The following CBX2 variants were observed in gnomAD, a reference collection of about 807,000 sequenced individuals.
The protein encoded by CBX2 is chromobox 2, also known as chromobox protein homolog 2.
CBX2 carries 11 observed loss-of-function variants against 21.0 expected under a neutral mutation model. That is an observed-to-expected ratio of 0.52 (90% CI 0.33 to 0.87). CBX2 has a LOEUF of 0.87. CBX2 is among the 40% of genes least tolerant of loss of function. The probability of loss-of-function intolerance (pLI) is 0.02; values close to 1 mark genes in which losing one functional copy is unlikely to be tolerated. For missense variants in CBX2, 746 were observed against 724.3 expected, an observed-to-expected ratio of 1.03 and a Z score of -0.34; for synonymous variants, 364 against 304.6, an observed-to-expected ratio of 1.19 and a Z score of -2.03.
chr17:79,779,283 G>T, intron 2 of CBX2, 79 bp from the exon 3 acceptor site: 1 of 1,392,150 alleles, frequency 7.2e-7, no homozygotes, highest in South Asian at 1.2e-5. Flanking sequence ...GAGCGGTGAG[G>T]GCGAGCCCCC....
chr17:79,782,282 CAGGAGGGGCCTTGG>C, intron 4 of CBX2: 2 of 1,539,964 alleles, frequency 1.3e-6, no homozygotes, highest in Non-Finnish European at 8.7e-7. Context: ...CAGGGGGTGC[CAGGAGGGGCCTTGG>C]AGGAGGGCAG....
chr17:79,782,199 G>T, intron 4 of CBX2: 1 of 1,609,786 alleles, frequency 6.2e-7, no homozygotes, highest in South Asian at 1.1e-5. Context: ...TAAGATTTGG[G>T]GGCTACTCCG....
intron 3 of CBX2, among the ~76,000 whole-genome samples, chr17:79,780,503 T>C (rs782012137): frequency 3.8e-4 from 58 of 152,036 alleles, no homozygotes; most frequent in Admixed American, 7.9e-4. Flanking sequence ...GGGAATGGCT[T>C]GGCCCACTTC....
intron 4 of CBX2, chr17:79,782,636 T>C: frequency 2.7e-6 from 1 of 370,900 alleles, no homozygotes; most frequent in Non-Finnish European, 3.9e-6. Flanking sequence ...TCTTGTTGGC[T>C]GGTCTACACT....
chr17:79,783,733 A>G lies in CBX2; in HGVS notation c.290A>G (p.Glu97Gly), dbSNP rs782469798. The G allele has an allele frequency of 1.9e-6, 3 of 1,551,818 alleles. No individual in the cohort carries two copies. The South Asian group carries it at 3.6e-5, about 18-fold the overall frequency. The change falls in exon 5 of 5, where the codon GAA becomes GGA. Residue 97 changes from glutamate to glycine, a missense_variant and splice_region_variant. Transcript: ENST00000310942. ...SSCSRRSKLK[E>G]PDAPSKSKSS... is the part of the protein sequence containing the mutation. Reference sequence around the variant, plus strand: ...CCAACTTCTCCTTTATCTTTCCAGGAACCCGATGCTCCCTCCAAATCCAAG... The same window carrying G: ...CCAACTTCTCCTTTATCTTTCCAGGGACCCGATGCTCCCTCCAAATCCAAG...
chr17:79,781,082 T>C (rs963532812), intron 3 of CBX2, among the ~76,000 whole-genome samples: 64 of 151,918 alleles, frequency 4.2e-4, no homozygotes, highest in African/African-American at 1.5e-3. Context: ...CTGCGAGTGG[T>C]GCGTGCATTG....
rs75619526 is a variant in CBX2 at position 79,785,208 on chromosome 17, C to T, written c.*166C>T. The stretch of plus-strand genomic sequence containing the variant: ...TGGAAGGGACTTCTCCCGCACCCCA[C>T]TCTGTCCCAGGACATAGGGCAGGGG... On this transcript the variant is annotated 3_prime_UTR_variant, in exon 5 of 5. Transcript: ENST00000310942. 2 of 657,652 alleles carry T rather than the reference C, an allele frequency of 3.0e-6. No individual in the cohort carries two copies. The highest frequency in any genetic ancestry group is 3.6e-5 in the African/African-American group (2 of 55,898). The allele number at this position is 657,652 out of a possible 1,614,324, so 40.7% of individuals were successfully genotyped here.
chr17:79,785,008 C>T lies in CBX2; in HGVS notation c.1565C>T (p.Thr522Ile), dbSNP rs868916040. Residue 522 changes from threonine to isoleucine, a missense_variant, in exon 5 of 5, where the codon ACC (threonine) becomes ATC (isoleucine). This residue lies in a region of CBX2 where 701 missense variants were observed against 650.7 expected (regional missense o/e 1.08). Transcript: ENST00000310942. ...LITVTVKESP[T>I]SVGFFNLRHY is the part of the protein sequence containing the mutation. ...ACCGTCACAGTGAAGGAGTCTCCCA[C>T]CAGCGTGGGCTTCTTCAACCTGAGG... 1 of 1,602,874 alleles carries T rather than the reference C, an allele frequency of 6.2e-7. No homozygotes were observed. Among genetic ancestry groups the T allele is most frequent in the Non-Finnish European group, 8.5e-7 (1 of 1,179,974 alleles).
chr17:79,779,446 C>CGG lies in CBX2; in HGVS notation c.182+19_182+20insGG. ...AGAAGAAGTGAGGACGCTGACAGCA[C>CGG]TGGGGAGGGTGTGGGGGAGGGACGG... On this transcript the variant is annotated intron_variant, in intron 3 of 4. Transcript: ENST00000310942. The CGG allele has an allele frequency of 1.9e-6, 3 of 1,609,402 alleles. No individual in the cohort carries two copies. The highest frequency in any genetic ancestry group is 1.1e-5 in the South Asian group (1 of 90,752).
intron 4 of CBX2, chr17:79,782,330 C>T: frequency 6.7e-7 from 1 of 1,484,840 alleles, no homozygotes; most frequent in Non-Finnish European, 8.9e-7. Context: ...TGATGATGTG[C>T]TTTGGCCTTC....
In CBX2 at chr17:79,786,497, G is replaced by T. The variant is rs1346563780; in HGVS notation, c.*1455G>T. ...CAAGACTGTGAGCTGCCTCTAGGTG[G>T]TCACGTCTGGGAGCTAGCTTGTATG... On this transcript the variant is annotated 3_prime_UTR_variant, in exon 5 of 5. Transcript: ENST00000310942. 1 of 152,688 alleles carries T rather than the reference G, an allele frequency of 6.5e-6. No individual in the cohort carries two copies. Among genetic ancestry groups the T allele is most frequent in the Non-Finnish European group, 1.5e-5 (1 of 68,090 alleles). 9.5% of individuals were successfully genotyped at this position (152,688 alleles called of 1,614,324 possible).
chr17:79,781,731 G>A lies in CBX2; in HGVS notation c.218G>A (p.Gly73Asp), dbSNP rs1555830276. The A allele has an allele frequency of 4.3e-6, 7 of 1,614,086 alleles. No individual in the cohort carries two copies. Among genetic ancestry groups the A allele is most frequent in the Non-Finnish European group, 5.9e-6 (7 of 1,180,028 alleles). The change falls in exon 4 of 5, where the codon GGC becomes GAC. Residue 73 changes from glycine (G) to aspartate (D), a missense_variant. This residue lies in a region of CBX2 where 701 missense variants were observed against 650.7 expected (regional missense o/e 1.08). Transcript: ENST00000310942. ...AAGGAGGTGCAGAACCGGAAGAGAG[G>A]CAAGAGGCCGAGAGGCCGGCCAAGG... ...HEKEVQNRKR[G>D]KRPRGRPRKL...
At chr17:79,777,882 T>C (rs1246631474), upstream of CBX2, among the ~76,000 whole-genome samples, 1 of 148,664 alleles carries the variant, frequency 6.7e-6, no homozygotes, top group Non-Finnish European at 1.5e-5. Context: ...CCGAAGTCCC[T>C]AGGCACCTCC....
In CBX2 at chr17:79,784,525, T is replaced by A. The variant is rs782308286; in HGVS notation, c.1082T>A (p.Val361Asp). The change falls in exon 5 of 5, where the codon GTC becomes GAC. Residue 361 changes from valine to aspartate, a missense_variant. Val to Asp is a radical substitution (Grantham distance 152). Around this residue, in one of 2 missense-constraint regions of CBX2, gnomAD observed 701 missense variants for 650.7 expected, o/e 1.08. Transcript: ENST00000310942. This position sits in a 1 kb window ranked among gnomAD's most constrained non-coding sequence, Gnocchi z 5.9. ...CTCCAGGTCTTGGACTTGCAGAGTG[T>A]CAAGAATGGCATGCCCGGGGTGGGT... ...LSLQVLDLQS[V>D]KNGMPGVGLL... is the part of the protein sequence containing the mutation. 6.2e-7 allele frequency: 1 copy of A among 1,612,264 alleles called. No individual in the cohort carries two copies. The highest frequency in any genetic ancestry group is 1.1e-5 in the South Asian group (1 of 91,052).
chr17:79,783,791 C>A lies in CBX2; in HGVS notation c.348C>A (p.Ser116=), dbSNP rs62075175. Residue 116 remains serine (S), a synonymous_variant, in exon 5 of 5, where the codon TCC becomes TCA. Coordinates refer to ENST00000310942, the MANE Select transcript of CBX2 (RefSeq NM_005189.3). ...SSSSSSSSTS[S]SSSSDEEDDS... is the part of the protein sequence containing the mutation. Reference sequence around the variant, plus strand: ...GTTCCTCCTCTTCCTCCACGTCATCCTCCTCTTCCTCAGATGAAGAGGATG... The same window carrying A: ...GTTCCTCCTCTTCCTCCACGTCATCATCCTCTTCCTCAGATGAAGAGGATG... 1.7e-4 allele frequency: 269 copies of A among 1,578,324 alleles called. No homozygotes were observed. The highest frequency in any genetic ancestry group is 3.5e-4 in the East Asian group (15 of 42,320).
rs1286691745 is a variant in CBX2 at position 79,778,732 on chromosome 17, C to T, written c.116+305C>T. Among the ~76,000 whole-genome samples, 2 of 152,160 alleles carry T rather than the reference C, an allele frequency of 1.3e-5. No individual in the cohort carries two copies. Among genetic ancestry groups the T allele is most frequent in the African/African-American group, 4.8e-5 (2 of 41,450 alleles). ...GGGAGGGAGGCGCGGGATGCAAGCCCCCCTCCTCTTGGCCAGATTCTCCCC... is the reference window on the plus strand; with the variant it reads ...GGGAGGGAGGCGCGGGATGCAAGCCTCCCTCCTCTTGGCCAGATTCTCCCC... On this transcript the variant is annotated intron_variant, in intron 2 of 4. Transcript: ENST00000310942. The surrounding 1 kb of genome is among the most constrained non-coding windows in gnomAD (Gnocchi z 4.8).
At chr17:79,779,528 C>T (rs1274740781) in intron 3 of CBX2, 101 bp downstream of exon 3, 1 of 1,092,650 alleles carries the variant, frequency 9.2e-7, no homozygotes, top group Non-Finnish European at 1.4e-6. Context: ...GGAGCTGGGG[C>T]TGTGGTCTGA....
At chr17:79,782,589 A>G in intron 4 of CBX2, 7 of 786,614 alleles carry the variant, frequency 8.9e-6, no homozygotes, top group Non-Finnish European at 1.1e-5. Context: ...CCTTTCCAGG[A>G]GGATTTCCTG....
intron 4 of CBX2, chr17:79,782,053 C>T: frequency 1.9e-6 from 3 of 1,613,892 alleles, no homozygotes; most frequent in Non-Finnish European, 2.5e-6. Flanking sequence ...GCACGCCTCT[C>T]TGCTGGGTGG....
Sources: allele counts gnomAD v4.1 joint callset (sites outside exome capture counted in the v4.1 genomes callset), GRCh38; gene constraint gnomAD v4.1.1; regional missense constraint gnomAD v4.1.1; non-coding constraint Gnocchi (gnomAD v3.1); transcripts MANE v1.5; gene names NCBI Gene and HGNC (gene_info 2026-07-23, HGNC 2026-07-21).